The following MS4A6E variants were observed in gnomAD, a reference collection of about 807,000 sequenced individuals.
MS4A6E encodes the protein membrane-spanning 4-domains subfamily A member 6E.
MS4A6E carries 8 observed loss-of-function variants against 13.2 expected under a neutral mutation model. That is an observed-to-expected ratio of 0.60 (90% confidence interval 0.35 to 1.09). The LOEUF (loss-of-function observed/expected upper bound fraction) is 1.09, where lower values mean the gene tolerates loss of function less well. Ranked by LOEUF, MS4A6E falls within the 50% of genes least tolerant of loss-of-function variation. The pLI is 0.02. For missense variants in MS4A6E, 177 were observed against 171.1 expected (o/e 1.03, Z -0.19); for synonymous variants, 72 against 67.6 (o/e 1.06, Z -0.32).
chr11:60,332,878 C>T (rs2868118), intron 1 of MS4A6E, among the ~76,000 whole-genome samples: 54,064 of 151,906 alleles, frequency 0.36, 10,113 homozygotes, highest in East Asian at 0.41. Context: ...TTAAAACACC[C>T]GCATGCCCGC....
At chr11:60,345,664 A>G (rs77318656), downstream of MS4A6E, among the ~76,000 whole-genome samples, 1,996 of 152,300 alleles carry the variant, frequency 0.013, 42 homozygotes, top group African/African-American at 0.046. Flanking sequence ...AATTGTGGAA[A>G]TCTCTAACAA....
chr11:60,346,599 G>A (rs2085256909), intron 4 of MS4A6E, among the ~76,000 whole-genome samples: 11 of 152,190 alleles, frequency 7.2e-5, no homozygotes, highest in Admixed American at 7.2e-4. Context: ...ATCATGGACA[G>A]TTTAGAATAA....
chr11:60,348,905 T>G (rs1278646395), intron 4 of MS4A6E, among the ~76,000 whole-genome samples: 2 of 152,110 alleles, frequency 1.3e-5, no homozygotes, highest in Admixed American at 6.5e-5. Flanking sequence ...GCTAAGAGCC[T>G]CAAAATGAAT....
Sources: gnomAD v4.1 joint callset for allele counts (sites outside exome capture counted in the v4.1 genomes callset) on GRCh38, gnomAD v4.1.1 for gene constraint, MANE v1.5 for transcripts, NCBI Gene and HGNC (gene_info 2026-07-23, HGNC 2026-07-21) for gene names.